Variants in TANK observed in about 807,000 individuals in gnomAD.
TANK encodes TRAF family member associated NFKB activator, also known as TRAF family member-associated NF-kappa-B activator.
Under a neutral mutation model 43.6 loss-of-function variants are expected in TANK, and 15 were observed. The ratio of observed to expected loss-of-function variants is 0.34; its 90% confidence interval spans 0.23 to 0.53. TANK has a LOEUF of 0.53. TANK is among the 20% of genes least tolerant of loss of function. The pLI is 0.94. For synonymous variants in TANK, 162 were observed against 178.2 expected, an observed-to-expected ratio of 0.91 and a Z score of 0.73; for missense variants, 417 against 498.6, an observed-to-expected ratio of 0.84 and a Z score of 1.56.
chr2:161,169,516 A>T (rs555499180), intron 1 of TANK, among the ~76,000 whole-genome samples: 1 of 152,194 alleles, frequency 6.6e-6, no homozygotes, highest in Non-Finnish European at 1.5e-5. Flanking sequence ...CTAATTTTCC[A>T]TAATGAAGAG....
chr2:161,157,659 T>C (rs2105239015), upstream of TANK, among the ~76,000 whole-genome samples: 1 of 152,330 alleles, frequency 6.6e-6, no homozygotes, highest in Middle Eastern at 3.4e-3. Context: ...GAAGTCTCAA[T>C]AAATTATTAA....
intron 2 of TANK, among the ~76,000 whole-genome samples, chr2:161,196,192 T>C (rs1484185695): frequency 6.6e-6 from 1 of 152,150 alleles, no homozygotes; most frequent in Non-Finnish European, 1.5e-5. Flanking sequence ...AAGAGCACCA[T>C]ATACTGAGAA....
At position 161,190,296 on chromosome 2, in the gene TANK, C is replaced by G. The variant is rs117582785; in HGVS notation, c.99+10535C>G. 3.6e-3 allele frequency among the ~76,000 whole-genome samples: 550 copies of G among 152,126 alleles called. 26 individuals carry two copies. In the East Asian group the frequency reaches 0.091, roughly 25 times the overall value. ...TTGGTGTGGCTGTTATTCAAAAAAGCAAAATAAGTGTTGGCAAGGATGTGT... is the reference window on the plus strand; with the variant it reads ...TTGGTGTGGCTGTTATTCAAAAAAGGAAAATAAGTGTTGGCAAGGATGTGT... On this transcript the variant is annotated intron_variant, in intron 2 of 7. Coordinates refer to ENST00000392749, the MANE Select transcript of TANK (RefSeq NM_001199135.3).
chr2:161,190,095 A>T (rs886533122), intron 2 of TANK, among the ~76,000 whole-genome samples: 2 of 152,214 alleles, frequency 1.3e-5, no homozygotes, highest in African/African-American at 4.8e-5. Flanking sequence ...TAAGAAATTG[A>T]TATCTAGAAT....
chr2:161,208,900 C>T (rs1558997051), intron 4 of TANK, among the ~76,000 whole-genome samples: 1 of 152,172 alleles, frequency 6.6e-6, no homozygotes, highest in East Asian at 1.9e-4. Flanking sequence ...AGAAATTAAG[C>T]TGCACCCCTT....
rs528628977 is a variant in TANK at position 161,219,154 on chromosome 2, C to G, written c.328-4761C>G. ...ATAGTAGAAAAGTATTCATCTCATT[C>G]TACAAATTAACTTTGATAGAATTGA... On this transcript the variant is annotated intron_variant, in intron 4 of 7. Transcript: ENST00000392749. 3.3e-5 allele frequency among the ~76,000 whole-genome samples: 5 copies of G among 152,258 alleles called. No homozygotes were observed. In the East Asian group the frequency reaches 9.6e-4, roughly 29 times the overall value.
At chr2:161,185,956 A>G (rs960785303) in intron 2 of TANK, among the ~76,000 whole-genome samples, 1 of 152,194 alleles carries the variant, frequency 6.6e-6, no homozygotes, top group African/African-American at 2.4e-5. Flanking sequence ...TGTTAATTAT[A>G]TCAGTCTCCT....
chr2:161,184,860 T>G (rs1467860249), intron 2 of TANK, among the ~76,000 whole-genome samples: 1 of 152,160 alleles, frequency 6.6e-6, no homozygotes, highest in Non-Finnish European at 1.5e-5. Flanking sequence ...GGTTGTAAAT[T>G]TGGATCTAGG....
At chr2:161,194,653 CAA>C (rs1419546720) in intron 2 of TANK, among the ~76,000 whole-genome samples, 2 of 152,154 alleles carry the variant, frequency 1.3e-5, no homozygotes, top group Non-Finnish European at 2.9e-5. Context: ...TTGCTTTACT[CAA>C]GAGCTAGTCT....
At chr2:161,146,504 G>C (rs1333486010) in intron 1 of TANK, among the ~76,000 whole-genome samples, 1 of 152,092 alleles carries the variant, frequency 6.6e-6, no homozygotes, top group African/African-American at 2.4e-5. Flanking sequence ...GTTTTTGTGG[G>C]GAATTTTTTT....
At chr2:161,151,566 C>T (rs1684082295) in intron 1 of TANK, among the ~76,000 whole-genome samples, 1 of 152,050 alleles carries the variant, frequency 6.6e-6, no homozygotes, top group Admixed American at 6.6e-5. Flanking sequence ...GTCTATTTAT[C>T]TAATATTAGT....
At chr2:161,229,243 G>A (rs1191539399) in intron 6 of TANK, among the ~76,000 whole-genome samples, 1 of 152,212 alleles carries the variant, frequency 6.6e-6, no homozygotes, top group Non-Finnish European at 1.5e-5. Flanking sequence ...ACTATACAAA[G>A]TTCATTATAG....
intron 4 of TANK, among the ~76,000 whole-genome samples, chr2:161,214,084 A>C (rs1687018282): frequency 6.6e-6 from 1 of 152,166 alleles, no homozygotes; most frequent in African/African-American, 2.4e-5. Context: ...AAATCTTTCA[A>C]GTATTGGGCA....
chr2:161,181,599 G>A (rs1248358065), intron 2 of TANK, among the ~76,000 whole-genome samples: 1 of 151,956 alleles, frequency 6.6e-6, no homozygotes, highest in Admixed American at 6.6e-5. Flanking sequence ...AAAGGTGGCA[G>A]GAGAGAGAGA....
chr2:161,200,186 C>T (rs1049405444), intron 2 of TANK: 6 of 176,170 alleles, frequency 3.4e-5, no homozygotes, highest in Non-Finnish European at 6.7e-5. Flanking sequence ...CATGTCTGTG[C>T]TCTGTACAGA....
At chr2:161,207,682 T>C in intron 4 of TANK, 2 of 985,430 alleles carry the variant, frequency 2.0e-6, no homozygotes, top group Non-Finnish European at 2.4e-6. Context: ...CATTGGCCTA[T>C]GTGTTGATCT....
At chr2:161,225,215 T>C (rs1017699395) in intron 6 of TANK, among the ~76,000 whole-genome samples, 1 of 152,142 alleles carries the variant, frequency 6.6e-6, no homozygotes, top group Non-Finnish European at 1.5e-5. Context: ...TATGGATAGA[T>C]GTTTTTTTAA....
intron 4 of TANK, among the ~76,000 whole-genome samples, chr2:161,214,680 CAAT>C (rs775665605): frequency 2.0e-5 from 3 of 151,976 alleles, no homozygotes; most frequent in East Asian, 1.9e-4. Context: ...TTAATTGTGA[CAAT>C]AGTTGATTTC....
At chr2:161,153,655 C>T (rs1684140009) in intron 1 of TANK, among the ~76,000 whole-genome samples, 1 of 144,150 alleles carries the variant, frequency 6.9e-6, no homozygotes, top group African/African-American at 2.6e-5. Context: ...GCCCTGCACT[C>T]CAGCCTGGGT....
Sources: allele counts gnomAD v4.1 joint callset (sites outside exome capture counted in the v4.1 genomes callset), GRCh38; gene constraint gnomAD v4.1.1; transcripts MANE v1.5; gene names NCBI Gene and HGNC (gene_info 2026-07-23, HGNC 2026-07-21).